Variants in DCDC1 observed in about 807,000 individuals in gnomAD.
DCDC1 encodes the protein doublecortin domain containing 1, also known as doublecortin domain-containing protein 1.
A neutral mutation model predicts 178.3 loss-of-function variants in DCDC1; 200 were observed. That is an observed-to-expected ratio of 1.12 (90% confidence interval 1.00 to 1.26). The LOEUF (loss-of-function observed/expected upper bound fraction) is 1.26. DCDC1 is among the 50% of genes most tolerant of loss of function. The probability of loss-of-function intolerance (pLI) is 0.00; values close to 1 mark genes in which losing one functional copy is unlikely to be tolerated. For synonymous variants in DCDC1, 690 were observed against 604.8 expected, an observed-to-expected ratio of 1.14 and a Z score of -2.07; for missense variants, 1,983 against 1,749.2, an observed-to-expected ratio of 1.13 and a Z score of -2.38.
intron 38 of DCDC1, among the ~76,000 whole-genome samples, chr11:30,875,400 G>A (rs673239): frequency 0.012 from 1,758 of 152,270 alleles, 31 homozygotes; most frequent in African/African-American, 0.04. Context: ...ACAACTGAGA[G>A]TCACCACTGA....
intron 38 of DCDC1, among the ~76,000 whole-genome samples, chr11:30,866,471 G>C (rs1171977766): frequency 6.6e-6 from 1 of 152,096 alleles, no homozygotes. Context: ...CCATTCATGA[G>C]GCTACTGCCC....
intron 9 of DCDC1, among the ~76,000 whole-genome samples, chr11:31,232,038 C>A (rs1233588034): frequency 6.6e-6 from 1 of 152,186 alleles, no homozygotes; most frequent in Non-Finnish European, 1.5e-5. Context: ...TGAGGAAGGT[C>A]TTCTGACCTT....
At chr11:30,998,004 G>T (rs1951362311) in intron 20 of DCDC1, among the ~76,000 whole-genome samples, 1 of 152,122 alleles carries the variant, frequency 6.6e-6, no homozygotes, top group Non-Finnish European at 1.5e-5. Flanking sequence ...TAAAAAGAAA[G>T]GGGGTGGGGG....
intron 20 of DCDC1, among the ~76,000 whole-genome samples, chr11:30,970,806 A>G (rs1023911311): frequency 6.6e-6 from 1 of 152,174 alleles, no homozygotes; most frequent in Non-Finnish European, 1.5e-5. Context: ...GGATTACCCC[A>G]TATCTGCCTA....
At chr11:30,917,051 A>G in intron 25 of DCDC1, 23 bp from the exon 26 acceptor site, 2 of 1,572,302 alleles carry the variant, frequency 1.3e-6, no homozygotes, top group Non-Finnish European at 1.7e-6. Flanking sequence ...AGAAGCAAAC[A>G]TAAGTCTAAG....
intron 26 of DCDC1, among the ~76,000 whole-genome samples, chr11:30,916,547 G>A (rs1034399780): frequency 6.6e-6 from 1 of 152,074 alleles, no homozygotes; most frequent in Admixed American, 6.6e-5. Flanking sequence ...TGCTTATTCA[G>A]AAGTTCACTC....
At chr11:31,352,108 T>A (rs1422443157) in intron 1 of DCDC1, among the ~76,000 whole-genome samples, 2 of 152,136 alleles carry the variant, frequency 1.3e-5, no homozygotes, top group Non-Finnish European at 2.9e-5. Context: ...AAAAATTATG[T>A]AATATTCTCC....
intron 7 of DCDC1, among the ~76,000 whole-genome samples, chr11:31,279,618 C>T (rs1946272555): frequency 6.6e-6 from 1 of 152,080 alleles, no homozygotes; most frequent in Non-Finnish European, 1.5e-5. Context: ...CCATCATTCT[C>T]AGAAAACTAA....
chr11:31,122,252 G>A (rs1461275588), intron 11 of DCDC1, among the ~76,000 whole-genome samples: 3 of 152,114 alleles, frequency 2.0e-5, no homozygotes, highest in South Asian at 2.1e-4. Flanking sequence ...CCACCATCAC[G>A]AATTCTAAGA....
At chr11:31,134,417 C>T (rs1020898979) in intron 10 of DCDC1, among the ~76,000 whole-genome samples, 1 of 152,182 alleles carries the variant, frequency 6.6e-6, no homozygotes, top group African/African-American at 2.4e-5. Context: ...CTCTGATGGC[C>T]AAGTTTGGCT....
chr11:31,279,215 T>C (rs1463645431), intron 7 of DCDC1, among the ~76,000 whole-genome samples: 1 of 152,128 alleles, frequency 6.6e-6, no homozygotes, highest in Non-Finnish European at 1.5e-5. Flanking sequence ...AGTGTTGTGG[T>C]ATTGGATTTT....
At chr11:31,140,478 C>A (rs1394848038) in intron 9 of DCDC1, among the ~76,000 whole-genome samples, 2 of 152,160 alleles carry the variant, frequency 1.3e-5, no homozygotes, top group Admixed American at 1.3e-4. Context: ...AGGAAGGTTT[C>A]ATTCATCATT....
intron 20 of DCDC1, among the ~76,000 whole-genome samples, chr11:31,019,949 T>G (rs1242383687): frequency 6.6e-6 from 1 of 152,016 alleles, no homozygotes; most frequent in Admixed American, 6.6e-5. Context: ...GAGAGAAAAT[T>G]TTCCTGACTG....
intron 6 of DCDC1, among the ~76,000 whole-genome samples, chr11:31,303,977 C>T (rs934312003): frequency 8.5e-5 from 13 of 152,102 alleles, no homozygotes; most frequent in Admixed American, 8.5e-4. Context: ...GGAATGTGTG[C>T]CAACATTTTG....
chr11:30,914,337 C>A (rs1203631952), intron 27 of DCDC1, among the ~76,000 whole-genome samples: 1 of 152,258 alleles, frequency 6.6e-6, no homozygotes, highest in Non-Finnish European at 1.5e-5. Context: ...CTCTCCTGCC[C>A]AGGCAGGGCT....
At chr11:30,952,043 A>G (rs1310316146) in intron 21 of DCDC1, among the ~76,000 whole-genome samples, 1 of 152,166 alleles carries the variant, frequency 6.6e-6, no homozygotes, top group Non-Finnish European at 1.5e-5. Context: ...TGGAAAGAAG[A>G]TATACTAGGA....
intron 15 of DCDC1, among the ~76,000 whole-genome samples, chr11:31,101,684 T>C (rs886364601): frequency 2.0e-4 from 31 of 152,206 alleles, no homozygotes; most frequent in Admixed American, 6.5e-5. Context: ...CGTTTTGAAG[T>C]GCCTGGTTAA....
At chr11:31,067,112 T>A (rs1164698091) in intron 18 of DCDC1, among the ~76,000 whole-genome samples, 1 of 152,148 alleles carries the variant, frequency 6.6e-6, no homozygotes, top group Admixed American at 6.6e-5. Context: ...TCAAAATTTT[T>A]AAAAAATTGT....
chr11:31,329,997 C>CTAG (rs1218979253), intron 2 of DCDC1, among the ~76,000 whole-genome samples: 1 of 152,154 alleles, frequency 6.6e-6, no homozygotes, highest in Non-Finnish European at 1.5e-5. Flanking sequence ...AATGGTTGAA[C>CTAG]TAGTTTACAC....
Sources: allele counts gnomAD v4.1 joint callset (sites outside exome capture counted in the v4.1 genomes callset), GRCh38; gene constraint gnomAD v4.1.1; transcripts MANE v1.5; gene names NCBI Gene and HGNC (gene_info 2026-07-23, HGNC 2026-07-21).